PABPC4L: variants seen among roughly 807,000 people sequenced by gnomAD.
The protein encoded by PABPC4L is polyadenylate-binding protein 4-like.
For synonymous variants in PABPC4L, 169 were observed against 164.1 expected (o/e 1.03, Z -0.23); for missense variants, 452 against 451.4 (o/e 1.00, Z -0.01).
At chr4:134,188,153 A>T in the PABPC4L span, among the ~76,000 whole-genome samples, 1 of 151,716 alleles carries the variant, frequency 6.6e-6, no homozygotes, top group East Asian at 1.9e-4. Flanking sequence ...AGAGATTACT[A>T]TATACTTTCC....
the PABPC4L span, among the ~76,000 whole-genome samples, chr4:133,976,381 G>A: frequency 6.6e-6 from 1 of 152,014 alleles, no homozygotes; most frequent in African/African-American, 2.4e-5. Context: ...TTGATTCCAT[G>A]TCCTTGCTAT....
the PABPC4L span, among the ~76,000 whole-genome samples, chr4:134,059,386 C>A: frequency 7.0e-6 from 1 of 142,520 alleles, no homozygotes; most frequent in Admixed American, 7.1e-5. Context: ...AGGAAACAAA[C>A]TATATATATA....
the PABPC4L span, among the ~76,000 whole-genome samples, chr4:134,142,386 C>T: frequency 6.6e-6 from 1 of 151,482 alleles, no homozygotes; most frequent in Non-Finnish European, 1.5e-5. Context: ...CATAGTCGAA[C>T]CTTCTTATAA....
chr4:134,133,023 A>G, the PABPC4L span, among the ~76,000 whole-genome samples: 1 of 98,978 alleles, frequency 1.0e-5, no homozygotes, highest in Non-Finnish European at 1.7e-5. Flanking sequence ...AGTATATACT[A>G]TATATAATAT....
the PABPC4L span, among the ~76,000 whole-genome samples, chr4:134,000,061 T>C: frequency 6.6e-6 from 1 of 152,148 alleles, no homozygotes; most frequent in African/African-American, 2.4e-5. Flanking sequence ...TTTGCTCATC[T>C]TCGTGAAGAT....
At chr4:134,096,719 CAG>C in the PABPC4L span, among the ~76,000 whole-genome samples, 1 of 151,960 alleles carries the variant, frequency 6.6e-6, no homozygotes, top group East Asian at 1.9e-4. Flanking sequence ...CTCAGGAAAA[CAG>C]AGTTTGTTAG....
the PABPC4L span, among the ~76,000 whole-genome samples, chr4:133,962,475 A>G: frequency 2.6e-5 from 4 of 152,216 alleles, no homozygotes; most frequent in African/African-American, 9.6e-5. Flanking sequence ...CACATTTATA[A>G]AAATGCAAAA....
chr4:134,163,097 T>C, the PABPC4L span, among the ~76,000 whole-genome samples: 2 of 152,044 alleles, frequency 1.3e-5, no homozygotes, highest in Non-Finnish European at 2.9e-5. Flanking sequence ...ATAAATAAAA[T>C]TGATAGACCA....
At chr4:134,032,058 G>A in the PABPC4L span, among the ~76,000 whole-genome samples, 1 of 151,626 alleles carries the variant, frequency 6.6e-6, no homozygotes, top group Admixed American at 6.6e-5. Context: ...TACTGAAAGT[G>A]TGGAGAAATA....
the PABPC4L span, among the ~76,000 whole-genome samples, chr4:133,996,830 G>T: frequency 6.6e-6 from 1 of 152,146 alleles, no homozygotes; most frequent in East Asian, 1.9e-4. Flanking sequence ...AATGACAAAG[G>T]CTTGGAGCAA....
the PABPC4L span, among the ~76,000 whole-genome samples, chr4:134,024,807 C>A: frequency 8.9e-5 from 13 of 146,690 alleles, 1 homozygote; most frequent in Admixed American, 8.1e-4. Context: ...TTATAATAAA[C>A]TAGCTTTTTT....
the PABPC4L span, among the ~76,000 whole-genome samples, chr4:134,029,229 G>C: frequency 6.6e-6 from 1 of 152,060 alleles, no homozygotes; most frequent in African/African-American, 2.4e-5. Flanking sequence ...CAGGATCCGG[G>C]AGGACGACCT....
chr4:133,999,516 C>A, the PABPC4L span, among the ~76,000 whole-genome samples: 1 of 152,154 alleles, frequency 6.6e-6, no homozygotes, highest in African/African-American at 2.4e-5. Context: ...TAATGTTTCA[C>A]ATATCTAGGT....
the PABPC4L span, among the ~76,000 whole-genome samples, chr4:133,976,974 A>G: frequency 6.6e-6 from 1 of 152,164 alleles, no homozygotes; most frequent in Non-Finnish European, 1.5e-5. Context: ...TGATTTTATC[A>G]TAAAATCTTT....
chr4:133,968,483 A>G, the PABPC4L span, among the ~76,000 whole-genome samples: 1 of 152,304 alleles, frequency 6.6e-6, no homozygotes, highest in East Asian at 1.9e-4. Flanking sequence ...TAACACAAAC[A>G]TTACTGAGCA....
the PABPC4L span, among the ~76,000 whole-genome samples, chr4:133,953,848 A>G: frequency 6.6e-6 from 1 of 152,202 alleles, no homozygotes; most frequent in African/African-American, 2.4e-5. Context: ...CATGATTGAC[A>G]TTATTTCAGC....
chr4:134,172,241 A>G, the PABPC4L span, among the ~76,000 whole-genome samples: 2 of 152,104 alleles, frequency 1.3e-5, no homozygotes, highest in African/African-American at 2.4e-5. Context: ...AAAGTTGGAG[A>G]CAGCACGTCA....
chr4:134,018,016 G>C, the PABPC4L span, among the ~76,000 whole-genome samples: 2 of 152,054 alleles, frequency 1.3e-5, no homozygotes, highest in African/African-American at 4.8e-5. Context: ...TATCCCCTGT[G>C]ACCTGCACGT....
chr4:134,025,701 T>C, the PABPC4L span, among the ~76,000 whole-genome samples: 2 of 152,292 alleles, frequency 1.3e-5, no homozygotes, highest in Admixed American at 1.3e-4. Flanking sequence ...GTAAATTTTC[T>C]GAATTTTCAG....
Sources: gnomAD v4.1 joint callset for allele counts (sites outside exome capture counted in the v4.1 genomes callset) on GRCh38, gnomAD v4.1.1 for gene constraint, MANE v1.5 for transcripts, NCBI Gene and HGNC (gene_info 2026-07-23, HGNC 2026-07-21) for gene names.